The following CCDC7 variants were observed in gnomAD, a reference collection of about 807,000 sequenced individuals.
The protein encoded by CCDC7 is coiled-coil domain containing 7.
Under a neutral mutation model 196.9 loss-of-function variants are expected in CCDC7, and 183 were observed. The observed-to-expected ratio is 0.93, with a 90% CI of 0.82 to 1.05. The LOEUF is 1.05. Among genes scored for constraint, CCDC7 ranks in the 50% least tolerant of loss-of-function variants. The probability of loss-of-function intolerance (pLI) is 0.00; values close to 1 mark genes in which losing one functional copy is unlikely to be tolerated. For missense variants in CCDC7, 1,540 were observed against 1,482.2 expected, an observed-to-expected ratio of 1.04 and a Z score of -0.64; for synonymous variants, 525 against 484.6, an observed-to-expected ratio of 1.08 and a Z score of -1.10.
rs1293466368 is a variant in CCDC7, at chr10:32,858,854, A to G, written c.4111+4365A>G. 4.6e-5 allele frequency among the ~76,000 whole-genome samples: 7 copies of G among 152,196 alleles called. 1 individual carries two copies. The highest frequency in any genetic ancestry group is 3.9e-4 in the Admixed American group (6 of 15,274). On this transcript the variant is annotated intron_variant, in intron 41 of 41. Transcript: ENST00000639629. ...ACATAATGGTAAAAGGATCAAAGCA[A>G]CAAAAAGAGCTAACTATCCTAAATA...
intron 24 of CCDC7, among the ~76,000 whole-genome samples, chr10:32,700,120 G>T (rs1269631624): frequency 2.0e-5 from 3 of 149,528 alleles, no homozygotes; most frequent in Non-Finnish European, 2.9e-5. Flanking sequence ...TAGACATGAA[G>T]TCCTTGCCCA....
At chr10:32,823,680 G>A (rs916309802) in intron 31 of CCDC7, among the ~76,000 whole-genome samples, 2 of 152,068 alleles carry the variant, frequency 1.3e-5, no homozygotes, top group Non-Finnish European at 2.9e-5. Flanking sequence ...AATAAACCAG[G>A]TTTACCAGTT....
intron 28 of CCDC7, among the ~76,000 whole-genome samples, chr10:32,752,226 A>C (rs1003653306): frequency 6.7e-6 from 1 of 150,370 alleles, no homozygotes; most frequent in Non-Finnish European, 1.5e-5. Flanking sequence ...GAGGTTGACT[A>C]GTATTTATAG....
chr10:32,493,062 A>G (rs903507142), intron 9 of CCDC7, among the ~76,000 whole-genome samples: 4 of 152,138 alleles, frequency 2.6e-5, no homozygotes, highest in Middle Eastern at 3.4e-3. Context: ...AAATCCTCAC[A>G]TACATATCTT....
intron 25 of CCDC7, among the ~76,000 whole-genome samples, chr10:32,726,436 A>G (rs1015624612): frequency 2.0e-5 from 3 of 152,028 alleles, no homozygotes; most frequent in Non-Finnish European, 2.9e-5. Flanking sequence ...TGTTTGGTCT[A>G]TTACTGTGTA....
At chr10:32,635,383 C>G (rs2065464604) in intron 20 of CCDC7, among the ~76,000 whole-genome samples, 1 of 152,010 alleles carries the variant, frequency 6.6e-6, no homozygotes, top group South Asian at 2.1e-4. Flanking sequence ...TACTTTATAT[C>G]TTATGACATT....
At chr10:32,845,982 T>C in intron 36 of CCDC7, 23 bp downstream of exon 37, 3 of 1,539,384 alleles carry the variant, frequency 1.9e-6, no homozygotes, top group Non-Finnish European at 1.8e-6. Flanking sequence ...ATTTTTCAAG[T>C]CTAATATTTA....
At chr10:32,703,557 G>T (rs1591794038) in intron 24 of CCDC7, among the ~76,000 whole-genome samples, 1 of 151,936 alleles carries the variant, frequency 6.6e-6, no homozygotes, top group African/African-American at 2.4e-5. Context: ...TTTGAATGTT[G>T]GCCTGCCTTG....
In CCDC7 at chr10:32,677,163, A is replaced by G. The variant is rs1163551895; in HGVS notation, c.2123-8807A>G. 2.1e-5 allele frequency among the ~76,000 whole-genome samples: 3 copies of G among 142,452 alleles called. No individual in the cohort carries two copies. In the South Asian group the frequency reaches 7.2e-4, roughly 34 times the overall value. 93.5% of individuals were successfully genotyped at this position (142,452 alleles called of 152,430 possible). A position where few individuals can be genotyped will look rare whatever the true frequency, so the allele number is the denominator to read the frequency against. On this transcript the variant is annotated intron_variant, in intron 21 of 41. Transcript: ENST00000639629. ...TCTCACTCATAGGTGGGAATTGAAC[A>G]ATGAGAACACATGGACACAGGAAGG... is the stretch of plus-strand genomic sequence containing the variant.
chr10:32,782,179 T>C (rs2081158494), intron 29 of CCDC7, among the ~76,000 whole-genome samples: 1 of 151,824 alleles, frequency 6.6e-6, no homozygotes, highest in Admixed American at 6.6e-5. Context: ...CATAAATAAA[T>C]GGAAAGACAT....
At chr10:32,638,324 T>G (rs2066046147) in intron 20 of CCDC7, among the ~76,000 whole-genome samples, 1 of 152,218 alleles carries the variant, frequency 6.6e-6, no homozygotes. Context: ...TCAAAGGGAA[T>G]GCTTCCAGTT....
chr10:32,861,485 G>A (rs1053609331), intron 41 of CCDC7, among the ~76,000 whole-genome samples: 1 of 152,018 alleles, frequency 6.6e-6, no homozygotes, highest in African/African-American at 2.4e-5. Context: ...GAAAACCTAG[G>A]CAATACCATT....
chr10:32,737,171 G>T (rs1403577497), intron 28 of CCDC7, among the ~76,000 whole-genome samples: 3 of 152,052 alleles, frequency 2.0e-5, no homozygotes, highest in African/African-American at 7.2e-5. Flanking sequence ...ATTGATTTTT[G>T]AATATTGCAT....
intron 20 of CCDC7, among the ~76,000 whole-genome samples, chr10:32,652,166 G>A (rs2068887994): frequency 6.6e-6 from 1 of 151,918 alleles, no homozygotes. Flanking sequence ...TAATATAATG[G>A]CTTGATTTAT....
At chr10:32,824,755 A>G in intron 32 of CCDC7, 151 bp downstream of exon 33, 1 of 516,894 alleles carries the variant, frequency 1.9e-6, no homozygotes, top group Non-Finnish European at 3.5e-6. Context: ...GAACTCTAGT[A>G]TTATTCTCAA....
At chr10:32,658,298 AAAG>A (rs1270451043) in intron 20 of CCDC7, among the ~76,000 whole-genome samples, 5 of 152,244 alleles carry the variant, frequency 3.3e-5, no homozygotes, top group Non-Finnish European at 5.9e-5. Flanking sequence ...AATTTATAGA[AAAG>A]AAGTTAATTT....
chr10:32,580,575 T>A (rs944511593), intron 16 of CCDC7, among the ~76,000 whole-genome samples: 13 of 152,154 alleles, frequency 8.5e-5, no homozygotes, highest in Non-Finnish European at 7.4e-5. Context: ...TAGTTTGTAC[T>A]GTATTACAAA....
intron 13 of CCDC7, among the ~76,000 whole-genome samples, chr10:32,562,067 C>A (rs1469413900): frequency 2.0e-5 from 3 of 152,176 alleles, no homozygotes; most frequent in Non-Finnish European, 4.4e-5. Context: ...TGGATAAGTT[C>A]CTCGACACAT....
In CCDC7 at chr10:32,814,360, A is replaced by G. The variant is rs767145308; in HGVS notation, c.3098-10A>G. On this transcript the variant is annotated splice_polypyrimidine_tract_variant and intron_variant, in intron 30 of 41. Coordinates refer to ENST00000639629, the Ensembl canonical transcript of CCDC7. ...CCTTACAGTGTTTTGATACCTGTTT[A>G]TTTCTATAGGGCCTGATATAGAACA... The G allele has an allele frequency of 6.4e-7, 1 of 1,569,686 alleles. No individual in the cohort carries two copies. The highest frequency in any genetic ancestry group is 1.7e-4 in the Middle Eastern group (1 of 5,976).
Sources: gnomAD v4.1 joint callset for allele counts (sites outside exome capture counted in the v4.1 genomes callset) on GRCh38, gnomAD v4.1.1 for gene constraint, MANE v1.5 for transcripts, NCBI Gene and HGNC (gene_info 2026-07-23, HGNC 2026-07-21) for gene names.